The following FRMD4A variants were observed in gnomAD, a reference collection of about 807,000 sequenced individuals.
The protein encoded by FRMD4A is FERM domain containing 4A, also known as FERM domain-containing protein 4A.
A neutral mutation model predicts 129.1 loss-of-function variants in FRMD4A; 29 were observed. That is an observed-to-expected ratio of 0.22 (90% CI 0.17 to 0.31). The LOEUF is 0.31. Among genes scored for constraint, FRMD4A ranks in the 10% least tolerant of loss-of-function variants. FRMD4A has a pLI of 1.00. For missense variants in FRMD4A, 1,272 were observed against 1,375.8 expected, an observed-to-expected ratio of 0.92 and a Z score of 1.19; for synonymous variants, 634 against 571.6, an observed-to-expected ratio of 1.11 and a Z score of -1.56.
intron 2 of FRMD4A, among the ~76,000 whole-genome samples, chr10:14,309,447 CACAAAA>C: frequency 6.6e-6 from 1 of 152,090 alleles, no homozygotes; most frequent in South Asian, 2.1e-4. Context: ...GAGACCTTGT[CACAAAA>C]ACAAAAACAA....
intron 2 of FRMD4A, among the ~76,000 whole-genome samples, chr10:13,902,053 G>T (rs1249199249): frequency 6.6e-6 from 1 of 152,192 alleles, no homozygotes; most frequent in Non-Finnish European, 1.5e-5. Flanking sequence ...GTCTCACACT[G>T]TCATCCAGGC....
At chr10:13,737,655 A>G (rs2090719434) in intron 12 of FRMD4A, among the ~76,000 whole-genome samples, 189 bp downstream of exon 12, 1 of 151,868 alleles carries the variant, frequency 6.6e-6, no homozygotes. Flanking sequence ...AGACAGGGAG[A>G]AAAAAAAGAA....
At position 13,810,710 on chromosome 10, in the gene FRMD4A, C is replaced by A. The variant is rs140783956; in HGVS notation, c.206+104G>T. The stretch of plus-strand genomic sequence containing the variant: ...TGGACTGACCCCAGACCATGGGACC[C>A]AAGTGGTCTGCAGCTGATTTCGCTG... On this transcript the variant is annotated intron_variant, in intron 4 of 24. Transcript: ENST00000357447. The A allele has an allele frequency of 3.4e-4, 194 of 568,862 alleles. No homozygotes were observed. In the African/African-American group the frequency reaches 3.5e-3, roughly 10 times the overall value. The allele number at this position is 568,862 out of a possible 1,614,324, so 35.2% of individuals were successfully genotyped here.
At chr10:14,165,980 C>A (rs543929373) in intron 2 of FRMD4A, among the ~76,000 whole-genome samples, 14 of 152,014 alleles carry the variant, frequency 9.2e-5, no homozygotes, top group African/African-American at 3.4e-4. Context: ...TTGTAACAAA[C>A]GTATCCATGT....
Position 13,827,806 on chromosome 10 carries a change from G to A in FRMD4A, c.112-16898C>T, listed in dbSNP as rs145543742. 5.4e-3 allele frequency among the ~76,000 whole-genome samples: 816 copies of A among 152,256 alleles called. 10 individuals carry two copies. The highest frequency in any genetic ancestry group is 0.019 in the African/African-American group (790 of 41,546). The stretch of plus-strand genomic sequence containing the variant: ...GGAGATTGGAGGGTGAGGCCCGCAC[G>A]CCAGGAGGAGTGGGAGAGGAGGAGG... On this transcript the variant is annotated intron_variant, in intron 3 of 24. Transcript: ENST00000357447.
intron 2 of FRMD4A, among the ~76,000 whole-genome samples, chr10:14,081,474 TG>T (rs1441521290): frequency 6.6e-6 from 1 of 152,074 alleles, no homozygotes; most frequent in East Asian, 1.9e-4. Context: ...CAGAATTGAG[TG>T]GGAACCATGT....
chr10:14,171,014 G>T (rs1373871942), intron 2 of FRMD4A, among the ~76,000 whole-genome samples: 13 of 147,854 alleles, frequency 8.8e-5, no homozygotes, highest in African/African-American at 2.7e-4. Flanking sequence ...TACGAGGGGA[G>T]TTTTTTTTTT....
intron 2 of FRMD4A, among the ~76,000 whole-genome samples, chr10:14,055,603 A>T (rs1834488187): frequency 6.6e-6 from 1 of 152,218 alleles, no homozygotes; most frequent in Non-Finnish European, 1.5e-5. Flanking sequence ...ACTGTACATT[A>T]TGCCTGCCCT....
At chr10:14,153,699 C>T (rs1840455502) in intron 2 of FRMD4A, among the ~76,000 whole-genome samples, 1 of 152,190 alleles carries the variant, frequency 6.6e-6, no homozygotes, top group Non-Finnish European at 1.5e-5. Context: ...CCGTCTCCAG[C>T]TCTGCTCTGC....
chr10:14,272,249 C>T (rs10906642), intron 2 of FRMD4A, among the ~76,000 whole-genome samples: 14,703 of 152,160 alleles, frequency 0.097, 1,047 homozygotes, highest in African/African-American at 0.2. Flanking sequence ...AATGGCCATG[C>T]TGGCTCTGAA....
chr10:13,847,648 C>T (rs905520783), intron 3 of FRMD4A, among the ~76,000 whole-genome samples: 6 of 152,252 alleles, frequency 3.9e-5, no homozygotes, highest in East Asian at 3.9e-4. Context: ...CAGGGTCCAG[C>T]GGGTGGGATG....
intron 2 of FRMD4A, among the ~76,000 whole-genome samples, chr10:14,225,480 A>G (rs942378801): frequency 1.3e-5 from 2 of 152,244 alleles, no homozygotes; most frequent in African/African-American, 4.8e-5. Context: ...TGGGTCATCT[A>G]TGGAAACACA....
chr10:14,240,227 C>G (rs574731778), intron 2 of FRMD4A, among the ~76,000 whole-genome samples: 1 of 152,312 alleles, frequency 6.6e-6, no homozygotes, highest in South Asian at 2.1e-4. Flanking sequence ...CTAACCCTGT[C>G]ACACAACCGA....
Position 13,722,446 on chromosome 10 carries a change from A to G in FRMD4A, c.760-15333T>C, listed in dbSNP as rs1284436190. Among the ~76,000 whole-genome samples the G allele has an allele frequency of 4.0e-5, 6 of 148,400 alleles. No homozygotes were observed. In the Admixed American group the frequency reaches 4.0e-4, roughly 10 times the overall value. On this transcript the variant is annotated intron_variant, in intron 12 of 24. Coordinates refer to ENST00000357447, the MANE Select transcript of FRMD4A (RefSeq NM_018027.5). ...TTTTTGTAGAGTCGAGGGTCTCTCT[A>G]TGTTGTCCAGGATGGTCTTGAACTC...
At position 14,117,079 on chromosome 10, in the gene FRMD4A, G is replaced by A. The variant is rs75223222; in HGVS notation, c.45+212979C>T. 4.9e-3 allele frequency among the ~76,000 whole-genome samples: 746 copies of A among 152,336 alleles called. 4 individuals carry two copies. Among genetic ancestry groups the A allele is most frequent in the African/African-American group, 0.017 (709 of 41,586 alleles). ...CTCCTGTGGGCTGTTCCATGTCAGTGACTGAGTACAGCAGAGATACCTAAG... is the reference window on the plus strand; with the variant it reads ...CTCCTGTGGGCTGTTCCATGTCAGTAACTGAGTACAGCAGAGATACCTAAG... On this transcript the variant is annotated intron_variant, in intron 2 of 24. Coordinates refer to ENST00000357447, the MANE Select transcript of FRMD4A (RefSeq NM_018027.5).
intron 5 of FRMD4A, among the ~76,000 whole-genome samples, chr10:13,787,877 G>GA (rs35463521): frequency 1.2e-4 from 17 of 146,460 alleles, no homozygotes; most frequent in South Asian, 8.7e-4. Flanking sequence ...CAAAAAAAAA[G>GA]AAAAAAAAAA....
intron 2 of FRMD4A, among the ~76,000 whole-genome samples, chr10:14,188,910 A>C (rs1842231113): frequency 1.3e-5 from 2 of 152,182 alleles, no homozygotes; most frequent in South Asian, 4.1e-4. Flanking sequence ...TGTCTCAAAA[A>C]CAAAACCAAA....
chr10:14,127,980 T>TTTCTCTCTC lies in FRMD4A; in HGVS notation c.45+202077_45+202078insGAGAGAGAA, dbSNP rs1564319427. 1.6e-3 allele frequency among the ~76,000 whole-genome samples: 31 copies of TTTCTCTCTC among 19,378 alleles called. 1 individual carries two copies. Among genetic ancestry groups the TTTCTCTCTC allele is most frequent in the East Asian group, 6.3e-3 (5 of 800 alleles). The allele number at this position is 19,378 out of a possible 152,430, so 12.7% of individuals were successfully genotyped here. ...TTTCTTTCTTTCTTTCTTTCTTTCC[T>TTTCTCTCTC]TCTCTCTCTCTCTCTCTCTCTTTCT... On this transcript the variant is annotated intron_variant, in intron 2 of 24. Coordinates refer to ENST00000357447, the MANE Select transcript of FRMD4A (RefSeq NM_018027.5).
In FRMD4A at chr10:13,646,387, C is replaced by G. The variant is rs41291329; in HGVS notation, c.*651G>C. 6.6e-6 allele frequency: 1 copy of G among 152,576 alleles called. No individual in the cohort carries two copies. Among genetic ancestry groups the G allele is most frequent in the African/African-American group, 2.4e-5 (1 of 41,426 alleles). The allele number at this position is 152,576 out of a possible 1,614,324, so 9.5% of individuals were successfully genotyped here. On this transcript the variant is annotated 3_prime_UTR_variant, in exon 25 of 25. Coordinates refer to ENST00000357447, the MANE Select transcript of FRMD4A (RefSeq NM_018027.5). ...TGGTCCTCCGATGCATTTCTGGTGTCGAGAACTTCCTTTCTCAACCTCCCC... is the reference window on the plus strand; with the variant it reads ...TGGTCCTCCGATGCATTTCTGGTGTGGAGAACTTCCTTTCTCAACCTCCCC...
Sources: gnomAD v4.1 joint callset for allele counts (sites outside exome capture counted in the v4.1 genomes callset) on GRCh38, gnomAD v4.1.1 for gene constraint, MANE v1.5 for transcripts, NCBI Gene and HGNC (gene_info 2026-07-23, HGNC 2026-07-21) for gene names.